Variants in RNF32 observed in about 807,000 individuals in gnomAD.
The protein encoded by RNF32 is ring finger protein 32.
Under a neutral mutation model 41.0 loss-of-function variants are expected in RNF32, and 36 were observed. The observed-to-expected ratio is 0.88, with a 90% CI of 0.67 to 1.16. The LOEUF is 1.16. Among genes scored for constraint, RNF32 ranks in the 50% most tolerant of loss-of-function variants. RNF32 has a pLI of 0.00. For missense variants in RNF32, 413 were observed against 436.7 expected (o/e 0.95, Z 0.48); for synonymous variants, 154 against 160.9 (o/e 0.96, Z 0.32).
At chr7:156,675,522 G>C (rs1257704562) in intron 7 of RNF32, among the ~76,000 whole-genome samples, 174 bp from the exon 8 acceptor site, 2 of 152,166 alleles carry the variant, frequency 1.3e-5, no homozygotes, top group Admixed American at 6.5e-5. Context: ...CATCTGTCCA[G>C]ATTATCTGGA....
At chr7:156,649,905 T>G (rs1322980625) in intron 3 of RNF32, among the ~76,000 whole-genome samples, 2 of 152,246 alleles carry the variant, frequency 1.3e-5, no homozygotes, top group Non-Finnish European at 2.9e-5. Flanking sequence ...CCATATAAGC[T>G]TCACCAAATA....
In RNF32 at chr7:156,666,641, C is replaced by T. The variant is rs116226018; in HGVS notation, c.684+8071C>T. On this transcript the variant is annotated intron_variant, in intron 7 of 8. Coordinates refer to ENST00000317955, the MANE Select transcript of RNF32 (RefSeq NM_030936.4). ...GTCAGAGAGGGTGTTTGAGTTGTCT[C>T]GGGATGATACAGTAGTCCTCGAACA... 6.6e-5 allele frequency among the ~76,000 whole-genome samples: 10 copies of T among 152,254 alleles called. No homozygotes were observed. The South Asian group carries it at 1.5e-3, about 22-fold the overall frequency.
At position 156,675,842 on chromosome 7, in the gene RNF32, A is replaced by C; in HGVS notation, c.831A>C (p.Glu277Asp). The C allele has an allele frequency of 6.2e-7, 1 of 1,613,926 alleles. No homozygotes were observed. Among genetic ancestry groups the C allele is most frequent in the Non-Finnish European group, 8.5e-7 (1 of 1,179,848 alleles). Residue 277 changes from glutamate (E) to aspartate (D), a missense_variant, in exon 8 of 9, where the codon GAA becomes GAC. Glu to Asp is a conservative substitution (Grantham distance 45). Transcript: ENST00000317955. ...GTGGCCATGAGATCACAGAAGAGGA[A>C]TGGGAGAAAATCCAAGTGCAGGTAG... ...EKCGHEITEE[E>D]WEKIQVQALR...
chr7:156,655,469 C>T (rs1203194380), intron 4 of RNF32, among the ~76,000 whole-genome samples: 1 of 152,204 alleles, frequency 6.6e-6, no homozygotes, highest in Non-Finnish European at 1.5e-5. Flanking sequence ...CATTACGCTT[C>T]CTGCATAGCA....
chr7:156,651,134 C>G (rs1285338496), intron 3 of RNF32, among the ~76,000 whole-genome samples: 1 of 152,096 alleles, frequency 6.6e-6, no homozygotes, highest in Non-Finnish European at 1.5e-5. Flanking sequence ...GTAGCATTCC[C>G]CTGACCCATT....
intron 7 of RNF32, among the ~76,000 whole-genome samples, chr7:156,674,352 A>G (rs1396472667): frequency 6.6e-6 from 1 of 152,256 alleles, no homozygotes; most frequent in African/African-American, 2.4e-5. Context: ...GGGGAATGGG[A>G]AATGTCATCT....
upstream of RNF32, chr7:156,640,506 C>A (rs773202779): frequency 1.9e-4 from 66 of 356,486 alleles, no homozygotes; most frequent in South Asian, 2.9e-4. Flanking sequence ...CCCAAAAACG[C>A]CCGCTGCGCG....
At chr7:156,659,510 T>C in intron 7 of RNF32, 1 of 985,398 alleles carries the variant, frequency 1.0e-6, no homozygotes, top group Non-Finnish European at 1.2e-6. Context: ...TTCTCTGGGC[T>C]ACTCTTAGTA....
chr7:156,676,246 T>TGTAC (rs1554453470), intron 8 of RNF32, 173 bp from the exon 9 acceptor site: 1 of 1,426,402 alleles, frequency 7.0e-7, no homozygotes, highest in Non-Finnish European at 9.1e-7. Context: ...TATGTGTGTG[T>TGTAC]ATATATATAT....
chr7:156,658,682 G>A, intron 7 of RNF32, 112 bp downstream of exon 7: 2 of 822,830 alleles, frequency 2.4e-6, no homozygotes, highest in South Asian at 3.4e-5. Flanking sequence ...CACTTTGAGG[G>A]CTTTTTAAAA....
intron 7 of RNF32, among the ~76,000 whole-genome samples, chr7:156,665,375 C>A (rs1801207214): frequency 6.6e-6 from 1 of 152,150 alleles, no homozygotes; most frequent in African/African-American, 2.4e-5. Context: ...GTATGCAACT[C>A]TGAGGTTTGA....
intron 8 of RNF32, 122 bp downstream of exon 8, chr7:156,675,985 G>C: frequency 9.4e-7 from 1 of 1,060,230 alleles, no homozygotes; most frequent in South Asian, 1.5e-5. Flanking sequence ...TCAGGCCCGG[G>C]GTGCAGCCGT....
chr7:156,654,349 G>A (rs1181592755), intron 3 of RNF32: 8 of 445,572 alleles, frequency 1.8e-5, no homozygotes, highest in Non-Finnish European at 2.8e-5. Flanking sequence ...ATATGCATGG[G>A]TTGTATGCAA....
chr7:156,649,071 T>A (rs1798358801), intron 3 of RNF32, among the ~76,000 whole-genome samples: 1 of 152,226 alleles, frequency 6.6e-6, no homozygotes, highest in Admixed American at 6.5e-5. Context: ...CTTCCAAGGC[T>A]TCTGCTTCTA....
rs1447648790 is a variant in RNF32, at chr7:156,658,486, T to C, written c.600T>C (p.Cys200=). 1.2e-6 allele frequency: 2 copies of C among 1,613,338 alleles called. No individual in the cohort carries two copies. The highest frequency in any genetic ancestry group is 2.2e-5 in the South Asian group (2 of 91,084). ...VTRIQAYWRG[C]VVRKWYRNLR... is the part of the protein sequence containing the mutation. ...GAATCCAAGCCTACTGGAGAGGATG[T>C]GTTGTTAGAAAGTGGTACAGAAACC... Residue 200 remains cysteine (C), a synonymous_variant, in exon 7 of 9, where the codon TGT becomes TGC. Coordinates refer to ENST00000317955, the MANE Select transcript of RNF32 (RefSeq NM_030936.4).
At chr7:156,662,559 C>G (rs77606571) in intron 7 of RNF32, among the ~76,000 whole-genome samples, 1,856 of 152,162 alleles carry the variant, frequency 0.012, 35 homozygotes, top group African/African-American at 0.041. Context: ...CACAGTCTCA[C>G]TCTCTTGCGT....
chr7:156,659,604 A>G (rs1370922667), intron 7 of RNF32: 2 of 938,930 alleles, frequency 2.1e-6, no homozygotes, highest in East Asian at 2.3e-4. Flanking sequence ...TACAGATTTG[A>G]TAGTCATTTT....
chr7:156,668,975 C>T, intron 7 of RNF32: 1 of 152,116 alleles, frequency 6.6e-6, no homozygotes, highest in African/African-American at 2.4e-5. Context: ...GCTTTAATTC[C>T]TCTTAAGGAA....
chr7:156,651,676 C>T (rs1445889474), intron 3 of RNF32, among the ~76,000 whole-genome samples: 1 of 152,192 alleles, frequency 6.6e-6, no homozygotes, highest in Non-Finnish European at 1.5e-5. Context: ...AATTCCGTGA[C>T]TTCACTCACA....
Sources: gnomAD v4.1 joint callset for allele counts (sites outside exome capture counted in the v4.1 genomes callset) on GRCh38, gnomAD v4.1.1 for gene constraint, MANE v1.5 for transcripts, NCBI Gene and HGNC (gene_info 2026-07-23, HGNC 2026-07-21) for gene names.